FRMD4B: variants seen among roughly 807,000 people sequenced by gnomAD.
The protein encoded by FRMD4B is FERM domain-containing protein 4B.
Under a neutral mutation model 141.5 loss-of-function variants are expected in FRMD4B, and 74 were observed. The observed-to-expected ratio is 0.52, with a 90% confidence interval of 0.43 to 0.63. The LOEUF is 0.63. FRMD4B is among the 30% of genes least tolerant of loss of function. The pLI is 0.00. For synonymous variants in FRMD4B, 506 were observed against 467.9 expected, an observed-to-expected ratio of 1.08 and a Z score of -1.05; for missense variants, 1,366 against 1,253.4, an observed-to-expected ratio of 1.09 and a Z score of -1.36.
chr3:69,507,332 A>G (rs1706613060), intron 1 of FRMD4B, among the ~76,000 whole-genome samples: 1 of 152,102 alleles, frequency 6.6e-6, no homozygotes, highest in South Asian at 2.1e-4. Flanking sequence ...GTTCTAAGAT[A>G]TTTTAGGCAT....
chr3:69,356,227 T>C (rs896320656), intron 1 of FRMD4B, among the ~76,000 whole-genome samples: 8 of 152,188 alleles, frequency 5.3e-5, no homozygotes, highest in African/African-American at 1.7e-4. Flanking sequence ...GGATGCCAAG[T>C]ATTGATCCTG....
intron 1 of FRMD4B, among the ~76,000 whole-genome samples, chr3:69,532,669 T>C (rs769630351): frequency 3.9e-5 from 6 of 152,190 alleles, no homozygotes; most frequent in Non-Finnish European, 8.8e-5. Context: ...AGTATTACAC[T>C]TGGATGAAGC....
intron 5 of FRMD4B, among the ~76,000 whole-genome samples, chr3:69,255,956 G>C (rs1358535704): frequency 2.0e-5 from 3 of 152,118 alleles, no homozygotes; most frequent in African/African-American, 4.8e-5. Flanking sequence ...CTCAAGCAGG[G>C]TGCTCTGGCT....
chr3:69,434,795 A>G (rs6795389), intron 1 of FRMD4B, among the ~76,000 whole-genome samples: 62,437 of 152,068 alleles, frequency 0.41, 14,426 homozygotes, highest in African/African-American at 0.63. Context: ...ATGAGTTACA[A>G]TCACGCACTA....
intron 2 of FRMD4B, among the ~76,000 whole-genome samples, chr3:69,413,541 C>G (rs1039391221): frequency 6.6e-6 from 1 of 152,198 alleles, no homozygotes; most frequent in Admixed American, 6.5e-5. Flanking sequence ...GGTACCTGCC[C>G]ATAGTCACAA....
chr3:69,483,857 A>G (rs1278351637), intron 1 of FRMD4B, among the ~76,000 whole-genome samples: 1 of 152,238 alleles, frequency 6.6e-6, no homozygotes, highest in Non-Finnish European at 1.5e-5. Context: ...ATGTCACTTA[A>G]AAATAAAAAC....
intron 1 of FRMD4B, among the ~76,000 whole-genome samples, chr3:69,448,644 G>A (rs1164086152): frequency 6.6e-6 from 1 of 152,026 alleles, no homozygotes; most frequent in African/African-American, 2.4e-5. Flanking sequence ...CATTTTCGGG[G>A]GCTTATTGCT....
At chr3:69,450,613 G>A (rs1337278992) in intron 1 of FRMD4B, among the ~76,000 whole-genome samples, 1 of 152,178 alleles carries the variant, frequency 6.6e-6, no homozygotes, top group Non-Finnish European at 1.5e-5. Context: ...AATTAGCTGG[G>A]CATGGTTGTA....
chr3:69,439,148 T>A (rs1201815022), intron 1 of FRMD4B, among the ~76,000 whole-genome samples: 1 of 152,204 alleles, frequency 6.6e-6, no homozygotes, highest in Non-Finnish European at 1.5e-5. Flanking sequence ...TTATGCTGCC[T>A]ATTATATTTT....
intron 1 of FRMD4B, among the ~76,000 whole-genome samples, chr3:69,466,452 C>A (rs1705787790): frequency 6.6e-6 from 1 of 152,032 alleles, no homozygotes; most frequent in East Asian, 1.9e-4. Context: ...TGTGGAAAAA[C>A]AGTCCTTATC....
intron 22 of FRMD4B, among the ~76,000 whole-genome samples, chr3:69,173,357 AT>A (rs555987317): frequency 5.1e-4 from 78 of 152,312 alleles, no homozygotes; most frequent in African/African-American, 1.6e-3. Flanking sequence ...CCTTTCTATA[AT>A]TTTAAGACCC....
chr3:69,196,762 G>T, intron 13 of FRMD4B, 138 bp downstream of exon 13: 2 of 650,348 alleles, frequency 3.1e-6, no homozygotes, highest in Non-Finnish European at 5.2e-6. Flanking sequence ...TAAAAAACCT[G>T]AAATAGTTGG....
At chr3:69,196,218 A>C in intron 14 of FRMD4B, 37 bp downstream of exon 14, 1 of 1,513,028 alleles carries the variant, frequency 6.6e-7, no homozygotes, top group Non-Finnish European at 8.9e-7. Flanking sequence ...AAACGAAATA[A>C]AGATGGCTTG....
chr3:69,225,891 C>T (rs2093249631), intron 7 of FRMD4B, among the ~76,000 whole-genome samples: 1 of 151,966 alleles, frequency 6.6e-6, no homozygotes, highest in Non-Finnish European at 1.5e-5. Context: ...GTTCATCAAA[C>T]AGCATAATGC....
chr3:69,435,997 A>G (rs1280643170), intron 1 of FRMD4B, among the ~76,000 whole-genome samples: 3 of 152,150 alleles, frequency 2.0e-5, no homozygotes, highest in African/African-American at 7.2e-5. Flanking sequence ...TAACAGAATC[A>G]CTCTCAGCAT....
At chr3:69,193,929 A>G (rs1352562742) in intron 16 of FRMD4B, 56 bp from the exon 17 acceptor site, 20 of 1,070,890 alleles carry the variant, frequency 1.9e-5, no homozygotes, top group Non-Finnish European at 2.8e-5. Flanking sequence ...CAACTCTTAC[A>G]TGCATTGTGT....
chr3:69,436,982 TG>T (rs1397363939), intron 1 of FRMD4B, among the ~76,000 whole-genome samples: 1 of 152,166 alleles, frequency 6.6e-6, no homozygotes, highest in South Asian at 2.1e-4. Context: ...CTGGGGGTAC[TG>T]GGGAATGGGA....
At chr3:69,516,350 A>C (rs1700755356) in intron 1 of FRMD4B, among the ~76,000 whole-genome samples, 1 of 152,214 alleles carries the variant, frequency 6.6e-6, no homozygotes, top group Non-Finnish European at 1.5e-5. Flanking sequence ...CGGGGATGTT[A>C]TTTAGGTGAG....
chr3:69,265,402 T>C (rs1287960066), intron 5 of FRMD4B, among the ~76,000 whole-genome samples: 8 of 147,842 alleles, frequency 5.4e-5, no homozygotes, highest in African/African-American at 1.5e-4. Context: ...TGCAATGCAC[T>C]TTTATTTTTA....
Sources: allele counts gnomAD v4.1 joint callset (sites outside exome capture counted in the v4.1 genomes callset), GRCh38; gene constraint gnomAD v4.1.1; transcripts MANE v1.5; gene names NCBI Gene and HGNC (gene_info 2026-07-23, HGNC 2026-07-21).